Variants in MYO1B observed in about 807,000 individuals in gnomAD.
MYO1B encodes the protein unconventional myosin-Ib.
MYO1B carries 72 observed loss-of-function variants against 159.7 expected under a neutral mutation model. That is an observed-to-expected ratio of 0.45 (90% CI 0.37 to 0.55). The LOEUF is 0.55. Among genes scored for constraint, MYO1B ranks in the 20% least tolerant of loss-of-function variants. MYO1B has a pLI of 0.00. For missense variants in MYO1B, 1,062 were observed against 1,364.8 expected (o/e 0.78, Z 3.50); for synonymous variants, 468 against 473.8 (o/e 0.99, Z 0.16).
intron 3 of MYO1B, among the ~76,000 whole-genome samples, chr2:191,318,567 T>C (rs1187849056): frequency 6.6e-6 from 1 of 152,240 alleles, no homozygotes; most frequent in East Asian, 1.9e-4. Context: ...CCAGCTGTTC[T>C]GGGAGGATTG....
chr2:191,411,534 A>G (rs1384886311), intron 27 of MYO1B, among the ~76,000 whole-genome samples: 1 of 152,232 alleles, frequency 6.6e-6, no homozygotes, highest in Non-Finnish European at 1.5e-5. Context: ...TGTTGGCAAT[A>G]TACTTTAATC....
Position 191,395,568 on chromosome 2 carries a change from ATATT to A in MYO1B, c.2227-860_2227-857del, listed in dbSNP as rs545799059. Among the ~76,000 whole-genome samples, 230 of 152,366 alleles carry A rather than the reference ATATT, an allele frequency of 1.5e-3. 2 individuals carry two copies. Among genetic ancestry groups the A allele is most frequent in the African/African-American group, 5.4e-3 (223 of 41,590 alleles). ...TAGGGATGCCCCCATGTTTCAGTGT[ATATT>A]CCAAAGTGAATACTGTAAAAGCTCA... On this transcript the variant is annotated intron_variant, in intron 20 of 30. Transcript: ENST00000392318.
chr2:191,334,117 G>T (rs1162738868), intron 4 of MYO1B, among the ~76,000 whole-genome samples: 1 of 146,244 alleles, frequency 6.8e-6, no homozygotes, highest in African/African-American at 2.5e-5. Flanking sequence ...GTGACTAACG[G>T]TTTTTTTTTT....
chr2:191,338,722 C>A (rs554601796), intron 4 of MYO1B, among the ~76,000 whole-genome samples: 1 of 152,092 alleles, frequency 6.6e-6, no homozygotes, highest in Non-Finnish European at 1.5e-5. Flanking sequence ...TCAATGTAGC[C>A]GTGAATCTGA....
rs886786996 is a variant in MYO1B at position 191,291,290 on chromosome 2, A to G, written c.136-4821A>G. ...TACAAGACATCTGTTTTGGAATGCT[A>G]GAGATACTTGAAATCTAGGAAGGTC... On this transcript the variant is annotated intron_variant, in intron 2 of 30. Transcript: ENST00000392318. 9.8e-5 allele frequency among the ~76,000 whole-genome samples: 15 copies of G among 152,310 alleles called. 1 individual carries two copies. Among genetic ancestry groups the G allele is most frequent in the Non-Finnish European group, 1.2e-4 (8 of 68,024 alleles).
At chr2:191,415,757 G>A (rs1697525076) in intron 29 of MYO1B, among the ~76,000 whole-genome samples, 2 of 152,150 alleles carry the variant, frequency 1.3e-5, no homozygotes. Context: ...TGCGGGATAG[G>A]TCCATGCTCC....
chr2:191,393,301 A>G, intron 20 of MYO1B, 79 bp downstream of exon 20: 1 of 1,463,138 alleles, frequency 6.8e-7, no homozygotes, highest in Non-Finnish European at 9.3e-7. Flanking sequence ...CATGTATGTG[A>G]TTTTTACATA....
intron 3 of MYO1B, among the ~76,000 whole-genome samples, chr2:191,307,806 G>T: frequency 6.6e-6 from 1 of 152,228 alleles, no homozygotes; most frequent in East Asian, 1.9e-4. Context: ...AGGATGATAC[G>T]TTTTTTAACA....
intron 3 of MYO1B, among the ~76,000 whole-genome samples, chr2:191,296,643 T>G (rs1381785090): frequency 6.6e-6 from 1 of 152,180 alleles, no homozygotes; most frequent in Non-Finnish European, 1.5e-5. Flanking sequence ...AACAATACCT[T>G]CAGTTTGTAA....
intron 2 of MYO1B, among the ~76,000 whole-genome samples, chr2:191,285,028 T>G (rs942226858): frequency 6.6e-6 from 1 of 152,256 alleles, no homozygotes; most frequent in Non-Finnish European, 1.5e-5. Flanking sequence ...TAGCAGTTCC[T>G]GTGTTTCATA....
At chr2:191,401,310 G>C (rs541374534) in intron 23 of MYO1B, among the ~76,000 whole-genome samples, 7 of 152,148 alleles carry the variant, frequency 4.6e-5, no homozygotes, top group Admixed American at 2.0e-4. Context: ...GCTCAGTGTG[G>C]CAGCTATTGA....
chr2:191,379,076 G>A (rs1472541771), intron 13 of MYO1B, among the ~76,000 whole-genome samples: 2 of 152,194 alleles, frequency 1.3e-5, no homozygotes, highest in East Asian at 1.9e-4. Flanking sequence ...GGAAGGTATT[G>A]TGGTCCTGTC....
intron 15 of MYO1B, 132 bp from the exon 16 acceptor site, chr2:191,385,750 GTC>G: frequency 1.1e-6 from 1 of 913,944 alleles, no homozygotes; most frequent in Non-Finnish European, 1.7e-6. Context: ...ATTGTTTTGA[GTC>G]TCTGCTTTTT....
rs767895309 is a variant in MYO1B at position 191,390,472 on chromosome 2, T to G, written c.1962T>G (p.Pro654=). The change falls in exon 18 of 31, where the codon CCT becomes CCG. Residue 654 remains proline, a synonymous_variant. Transcript: ENST00000392318. The stretch of plus-strand genomic sequence containing the variant: ...AAATGCTTTGTAAACAAACATGGCC[T>G]CATTGGAAAGGACCAGCCAGGTAAG... The part of the protein sequence containing the change: ...RYKMLCKQTW[P]HWKGPARSGV... 11 of 1,613,684 alleles carry G rather than the reference T, an allele frequency of 6.8e-6. No individual in the cohort carries two copies. Among genetic ancestry groups the G allele is most frequent in the Non-Finnish European group, 9.3e-6 (11 of 1,179,744 alleles).
At chr2:191,416,491 A>C in intron 30 of MYO1B, 1 of 468,476 alleles carries the variant, frequency 2.1e-6, no homozygotes, top group Non-Finnish European at 3.8e-6. Flanking sequence ...TTTGGCTAAC[A>C]AGTGTTTATG....
At chr2:191,263,249 C>T (rs1270582289) in intron 1 of MYO1B, 1 of 892,054 alleles carries the variant, frequency 1.1e-6, no homozygotes, top group Non-Finnish European at 1.3e-6. Flanking sequence ...CTACTTTCCC[C>T]TTCTTATCTG....
intron 13 of MYO1B, among the ~76,000 whole-genome samples, chr2:191,378,154 C>G (rs1017059548): frequency 6.6e-6 from 1 of 151,844 alleles, no homozygotes; most frequent in African/African-American, 2.4e-5. Context: ...GGGATGTGTC[C>G]CTGGGGTGGG....
intron 7 of MYO1B, among the ~76,000 whole-genome samples, chr2:191,358,699 A>C (rs1030573121): frequency 6.6e-6 from 1 of 152,230 alleles, no homozygotes; most frequent in Non-Finnish European, 1.5e-5. Context: ...AAGTGCTGCC[A>C]AACAATCGCT....
intron 1 of MYO1B, among the ~76,000 whole-genome samples, chr2:191,276,618 G>A (rs1214068216): frequency 6.6e-6 from 1 of 152,126 alleles, no homozygotes; most frequent in Non-Finnish European, 1.5e-5. Context: ...GAAGACCATG[G>A]CTTTCTAGTG....
Sources: allele counts gnomAD v4.1 joint callset (sites outside exome capture counted in the v4.1 genomes callset), GRCh38; gene constraint gnomAD v4.1.1; transcripts MANE v1.5; gene names NCBI Gene and HGNC (gene_info 2026-07-23, HGNC 2026-07-21).